Variants in FAM178B observed in about 807,000 individuals in gnomAD.
FAM178B encodes the protein family with sequence similarity 178 member B.
Under a neutral mutation model 91.7 loss-of-function variants are expected in FAM178B, and 82 were observed. The observed-to-expected ratio is 0.89, with a 90% CI of 0.75 to 1.07. The LOEUF (loss-of-function observed/expected upper bound fraction) is 1.07, where lower values mean the gene tolerates loss of function less well. Ranked by LOEUF, FAM178B falls within the 50% of genes least tolerant of loss-of-function variation. The pLI, the probability that FAM178B is intolerant of heterozygous loss-of-function variation, is 0.00. For synonymous variants in FAM178B, 368 were observed against 359.4 expected, an observed-to-expected ratio of 1.02 and a Z score of -0.27; for missense variants, 769 against 846.7, an observed-to-expected ratio of 0.91 and a Z score of 1.14.
In FAM178B at chr2:96,972,149, A is replaced by G. The variant is rs544078503; in HGVS notation, c.316T>C (p.Phe106Leu). 122 of 1,540,774 alleles carry G rather than the reference A, an allele frequency of 7.9e-5. No homozygotes were observed. In the African/African-American group the frequency reaches 1.5e-3, roughly 19 times the overall value. The change falls in exon 3 of 17, where the codon TTT becomes CTT. Residue 106 changes from phenylalanine (F) to leucine (L), a missense_variant. Physicochemically the swap from Phe to Leu is conservative, Grantham distance 22. Coordinates refer to ENST00000490605, the MANE Select transcript of FAM178B (RefSeq NM_001122646.3). ...GGCGGGGGGCTCCAGTCAGTGGGAA[A>G]CGTTTCCCCAGGTGCCTGTATCTTG... Reference protein sequence around the residue: ...KPKIQAPGETFPTDWSPPPVE... With the variant: ...KPKIQAPGETLPTDWSPPPVE...
At chr2:96,884,518 A>G (rs1231064542) in intron 14 of FAM178B, among the ~76,000 whole-genome samples, 1 of 152,238 alleles carries the variant, frequency 6.6e-6, no homozygotes, top group African/African-American at 2.4e-5. Context: ...GCGATGAATC[A>G]TGAGTAATCT....
chr2:96,921,352 A>C (rs995929944), intron 11 of FAM178B, 90 bp from the exon 12 acceptor site: 1 of 1,503,102 alleles, frequency 6.7e-7, no homozygotes. Flanking sequence ...GTAAGTGGGC[A>C]GTCACGGAGA....
intron 1 of FAM178B, among the ~76,000 whole-genome samples, chr2:96,976,246 A>C (rs902756873): frequency 5.3e-5 from 8 of 151,894 alleles, no homozygotes; most frequent in Admixed American, 4.6e-4. Context: ...GGTGCGTGCC[A>C]CCATGCCCGG....
At chr2:96,949,990 G>A (rs2081897260) in intron 7 of FAM178B, 1 of 985,696 alleles carries the variant, frequency 1.0e-6, no homozygotes, top group Non-Finnish European at 1.2e-6. Flanking sequence ...TCTGACCTCA[G>A]GGCTGGGTCC....
In FAM178B at chr2:96,972,069, C is replaced by G. The variant is rs7602647; in HGVS notation, c.396G>C (p.Gln132His). ...VLQASREAPAQRWVGVVGPQG... is the reference protein window; with the variant it reads ...VLQASREAPAHRWVGVVGPQG... ...GGGGGCCCACCACACCCACCCACCT[C>G]TGGGCCGGGGCCTCCCGACTGGCCT... The change falls in exon 3 of 17, where the codon CAG becomes CAC. Residue 132 changes from glutamine to histidine, a missense_variant. By Grantham distance (24) the Gln-to-His change is conservative. Coordinates refer to ENST00000490605, the MANE Select transcript of FAM178B (RefSeq NM_001122646.3). 2 of 1,544,500 alleles carry G rather than the reference C, an allele frequency of 1.3e-6. No individual in the cohort carries two copies. Among genetic ancestry groups the G allele is most frequent in the East Asian group, 4.9e-5 (2 of 40,904 alleles).
rs117024156 is a variant in FAM178B at position 96,980,995 on chromosome 2, G to A, written c.73+5246C>T. Reference sequence around the variant, plus strand: ...TCTATTTATTTTTTTTCTTTGAGACGGAGTCTTACTCTGTCACCCAGGTGG... The same window carrying A: ...TCTATTTATTTTTTTTCTTTGAGACAGAGTCTTACTCTGTCACCCAGGTGG... On this transcript the variant is annotated intron_variant, in intron 1 of 16. Transcript: ENST00000490605. 4.9e-3 allele frequency among the ~76,000 whole-genome samples: 741 copies of A among 151,736 alleles called. 24 individuals are homozygous for A. The East Asian group carries it at 0.072, about 15-fold the overall frequency.
At chr2:96,876,383 G>A (rs2080242259) in intron 16 of FAM178B, 75 bp from the exon 17 acceptor site, 3 of 1,541,450 alleles carry the variant, frequency 1.9e-6, no homozygotes, top group Non-Finnish European at 1.8e-6. Flanking sequence ...TCCCCGGGCT[G>A]GCGGTGTCCA....
intron 8 of FAM178B, among the ~76,000 whole-genome samples, chr2:96,930,275 T>C (rs1309720034): frequency 2.1e-5 from 3 of 141,218 alleles, no homozygotes; most frequent in Non-Finnish European, 4.5e-5. Flanking sequence ...GGGAGAACCT[T>C]ACATACTCAG....
chr2:96,882,407 G>C (rs370537455), intron 14 of FAM178B, among the ~76,000 whole-genome samples: 1 of 152,242 alleles, frequency 6.6e-6, no homozygotes, highest in Non-Finnish European at 1.5e-5. Context: ...GGGCAGGCAC[G>C]GGAGTGGTGC....
At chr2:96,900,222 CT>C (rs2080901304) in intron 13 of FAM178B, among the ~76,000 whole-genome samples, 1 of 152,262 alleles carries the variant, frequency 6.6e-6, no homozygotes, top group Admixed American at 6.5e-5. Context: ...GTGCTCCCCC[CT>C]GCCTCTAACT....
chr2:96,908,408 G>C (rs890648390), intron 12 of FAM178B, among the ~76,000 whole-genome samples: 3 of 152,190 alleles, frequency 2.0e-5, no homozygotes, highest in Non-Finnish European at 2.9e-5. Context: ...TTTAAAAACA[G>C]GCAAAATTGG....
intron 1 of FAM178B, among the ~76,000 whole-genome samples, chr2:96,980,378 C>T (rs1226986121): frequency 6.7e-6 from 1 of 148,744 alleles, no homozygotes; most frequent in Non-Finnish European, 1.5e-5. Context: ...GTCCGGTCTC[C>T]TTATGTAATT....
At chr2:96,959,174 G>A (rs2082044937) in intron 6 of FAM178B, among the ~76,000 whole-genome samples, 1 of 148,214 alleles carries the variant, frequency 6.7e-6, no homozygotes, top group Admixed American at 6.8e-5. Flanking sequence ...ACTCCAGCCT[G>A]GGTGACAGAG....
intron 5 of FAM178B, among the ~76,000 whole-genome samples, chr2:96,967,259 C>T (rs1191352049): frequency 6.6e-6 from 1 of 152,160 alleles, no homozygotes; most frequent in African/African-American, 2.4e-5. Context: ...AGAATTTGGG[C>T]AGATAATTGG....
chr2:96,978,076 T>C (rs2082315650), intron 1 of FAM178B: 2 of 369,784 alleles, frequency 5.4e-6, no homozygotes, highest in African/African-American at 4.2e-5. Flanking sequence ...ATGCGTCTTC[T>C]CCACACTGAT....
At chr2:96,966,303 T>A (rs2082142904) in intron 5 of FAM178B, among the ~76,000 whole-genome samples, 3 of 151,544 alleles carry the variant, frequency 2.0e-5, no homozygotes, top group African/African-American at 7.3e-5. Context: ...AGAGCCCACA[T>A]CCCTTCATCA....
intron 1 of FAM178B, among the ~76,000 whole-genome samples, chr2:96,985,116 T>A (rs1022795143): frequency 6.6e-6 from 1 of 152,164 alleles, no homozygotes; most frequent in Non-Finnish European, 1.5e-5. Flanking sequence ...TGTGACCTGC[T>A]CCAGTGCCTA....
intron 12 of FAM178B, among the ~76,000 whole-genome samples, chr2:96,905,470 T>C (rs1010594242): frequency 1.3e-5 from 2 of 150,982 alleles, no homozygotes; most frequent in African/African-American, 2.4e-5. Flanking sequence ...AGGCAGGGAA[T>C]TGCTTGAACC....
intron 4 of FAM178B, among the ~76,000 whole-genome samples, chr2:96,969,049 G>A (rs760914400): frequency 6.6e-5 from 10 of 152,134 alleles, no homozygotes; most frequent in Non-Finnish European, 1.0e-4. Flanking sequence ...AGCCTTTTCC[G>A]ACTCCGGGTT....
Sources: allele counts gnomAD v4.1 joint callset (sites outside exome capture counted in the v4.1 genomes callset), GRCh38; gene constraint gnomAD v4.1.1; transcripts MANE v1.5; gene names NCBI Gene and HGNC (gene_info 2026-07-23, HGNC 2026-07-21).